Variants in COL5A2 observed in about 807,000 individuals in gnomAD.
COL5A2 encodes the protein collagen type V alpha 2 chain.
A neutral mutation model predicts 208.2 loss-of-function variants in COL5A2; 23 were observed. That is an observed-to-expected ratio of 0.11 (90% CI 0.08 to 0.16). The LOEUF is 0.16. Among genes scored for constraint, COL5A2 ranks in the 10% least tolerant of loss-of-function variants. COL5A2 has a pLI of 1.00. For missense variants in COL5A2, 1,590 were observed against 1,956.4 expected (o/e 0.81, Z 3.53); for synonymous variants, 625 against 628.5 (o/e 0.99, Z 0.08).
chr2:189,107,947 A>G (rs1687182729), intron 2 of COL5A2, among the ~76,000 whole-genome samples: 1 of 151,660 alleles, frequency 6.6e-6, no homozygotes, highest in African/African-American at 2.4e-5. Context: ...CATTTTAACA[A>G]GGAAATGTTC....
chr2:189,107,567 T>C (rs1456499382), intron 2 of COL5A2, among the ~76,000 whole-genome samples: 1 of 151,494 alleles, frequency 6.6e-6, no homozygotes, highest in Non-Finnish European at 1.5e-5. Flanking sequence ...TCCACTTACT[T>C]TCAGTTTATT....
At chr2:189,396,293 G>T in the COL5A2 span, among the ~76,000 whole-genome samples, 2 of 152,114 alleles carry the variant, frequency 1.3e-5, no homozygotes, top group African/African-American at 4.8e-5. Context: ...AGACAATTTT[G>T]GAAATCACTG....
At chr2:189,273,632 G>T in the COL5A2 span, among the ~76,000 whole-genome samples, 425 of 152,136 alleles carry the variant, frequency 2.8e-3, 7 homozygotes, top group Admixed American at 0.026. Flanking sequence ...AATGGATAAA[G>T]AAAATATGGT....
At chr2:189,233,561 A>C in the COL5A2 span, among the ~76,000 whole-genome samples, 1 of 151,874 alleles carries the variant, frequency 6.6e-6, no homozygotes, top group East Asian at 1.9e-4. Context: ...ATTTGAAAAA[A>C]AAAAGTTAAA....
chr2:189,060,383 T>A (rs1390101424), intron 31 of COL5A2, among the ~76,000 whole-genome samples: 1 of 151,480 alleles, frequency 6.6e-6, no homozygotes, highest in African/African-American at 2.4e-5. Flanking sequence ...AATGAATCAT[T>A]CAAAGAAAAA....
At chr2:189,236,068 G>A in the COL5A2 span, among the ~76,000 whole-genome samples, 2 of 151,466 alleles carry the variant, frequency 1.3e-5, no homozygotes, top group Non-Finnish European at 2.9e-5. Context: ...CATTTCACAT[G>A]TGTTGTCACA....
At chr2:189,320,684 G>A in the COL5A2 span, among the ~76,000 whole-genome samples, 5 of 152,180 alleles carry the variant, frequency 3.3e-5, no homozygotes, top group African/African-American at 9.7e-5. Context: ...CCAAATCTAC[G>A]TCTGATTGGT....
At chr2:189,360,503 A>G in the COL5A2 span, among the ~76,000 whole-genome samples, 85,834 of 151,924 alleles carry the variant, frequency 0.56, 26,133 homozygotes, top group East Asian at 0.71. Context: ...ATTCATTATT[A>G]GAAGTATGTT....
At chr2:189,182,839 C>T (rs138819526), upstream of COL5A2, among the ~76,000 whole-genome samples, 4 of 152,262 alleles carry the variant, frequency 2.6e-5, no homozygotes, top group South Asian at 4.2e-4. Context: ...ATTGTCTCAG[C>T]GCCCTTTCAG....
At chr2:189,119,517 C>G (rs1687459477) in intron 1 of COL5A2, among the ~76,000 whole-genome samples, 1 of 151,982 alleles carries the variant, frequency 6.6e-6, no homozygotes, top group African/African-American at 2.4e-5. Context: ...ATTAGAATTT[C>G]AAAAGTTTTA....
chr2:189,370,885 G>A, the COL5A2 span, among the ~76,000 whole-genome samples: 1 of 152,148 alleles, frequency 6.6e-6, no homozygotes. Context: ...GGCTAAGTCT[G>A]ACAGGATGTG....
At chr2:189,364,616 GGA>G in the COL5A2 span, among the ~76,000 whole-genome samples, 6 of 152,098 alleles carry the variant, frequency 3.9e-5, no homozygotes, top group African/African-American at 1.4e-4. Context: ...GAATCCAGGT[GGA>G]GGTTGCAGTA....
Position 189,179,623 on chromosome 2 carries a change from T to G in COL5A2, c.-19A>C, listed in dbSNP as rs575399491. ...CCATCATGTCTAAATATTAGACATGTGGGTTCTCCTGAGAGTGAAAAGTAG... is the reference window on the plus strand; with the variant it reads ...CCATCATGTCTAAATATTAGACATGGGGGTTCTCCTGAGAGTGAAAAGTAG... On this transcript the variant is annotated 5_prime_UTR_variant, in exon 1 of 54. Transcript: ENST00000374866. 1.9e-6 allele frequency: 3 copies of G among 1,589,784 alleles called. No individual in the cohort carries two copies. The highest frequency in any genetic ancestry group is 2.7e-5 in the African/African-American group (2 of 74,674).
At chr2:189,142,997 T>C (rs1282898131) in intron 1 of COL5A2, among the ~76,000 whole-genome samples, 2 of 152,192 alleles carry the variant, frequency 1.3e-5, no homozygotes, top group Admixed American at 1.3e-4. Flanking sequence ...ACATCAGCCA[T>C]GATTGTTCGA....
intron 7 of COL5A2, among the ~76,000 whole-genome samples, chr2:189,089,201 T>G (rs965892787): frequency 6.6e-6 from 1 of 152,242 alleles, no homozygotes; most frequent in Non-Finnish European, 1.5e-5. Context: ...CATTTTGGAC[T>G]GTTTTTGGAT....
the COL5A2 span, among the ~76,000 whole-genome samples, chr2:189,414,620 T>C: frequency 4.0e-5 from 6 of 151,866 alleles, no homozygotes; most frequent in African/African-American, 9.7e-5. Context: ...TGCGGTGGCA[T>C]GCGCCTATAA....
intron 1 of COL5A2, among the ~76,000 whole-genome samples, chr2:189,218,238 G>T (rs1379583417): frequency 6.6e-6 from 1 of 152,162 alleles, no homozygotes; most frequent in African/African-American, 2.4e-5. Flanking sequence ...ACCTCAGAAT[G>T]TGACCTTATT....
chr2:189,349,793 A>G, the COL5A2 span, among the ~76,000 whole-genome samples: 1 of 152,176 alleles, frequency 6.6e-6, no homozygotes. Context: ...TAAAAGTAGC[A>G]TCACAAAATT....
chr2:189,154,033 A>G (rs1688197130), intron 1 of COL5A2, among the ~76,000 whole-genome samples: 1 of 152,110 alleles, frequency 6.6e-6, no homozygotes, highest in African/African-American at 2.4e-5. Context: ...CATATTAATA[A>G]CTACACATTT....
Sources: gnomAD v4.1 joint callset for allele counts (sites outside exome capture counted in the v4.1 genomes callset) on GRCh38, gnomAD v4.1.1 for gene constraint, MANE v1.5 for transcripts, NCBI Gene and HGNC (gene_info 2026-07-23, HGNC 2026-07-21) for gene names.